CHD1L: variants seen among roughly 807,000 people sequenced by gnomAD.
CHD1L encodes ATP-dependent chromatin remodeler CHD1L.
In CHD1L, 118 loss-of-function variants were observed where a neutral mutation model predicts 115.9. The observed-to-expected ratio is 1.02, with a 90% CI of 0.88 to 1.19. CHD1L has a LOEUF of 1.19. Among genes scored for constraint, CHD1L ranks in the 50% most tolerant of loss-of-function variants. The pLI is 0.00. For synonymous variants in CHD1L, 411 were observed against 387.1 expected, an observed-to-expected ratio of 1.06 and a Z score of -0.72; for missense variants, 1,179 against 1,065.3, an observed-to-expected ratio of 1.11 and a Z score of -1.49.
At chr1:147,193,083 G>A in the CHD1L span, among the ~76,000 whole-genome samples, 1 of 152,140 alleles carries the variant, frequency 6.6e-6, no homozygotes, top group Non-Finnish European at 1.5e-5. Flanking sequence ...CAGAAGGAAT[G>A]GTACCAGCTC....
chr1:147,177,677 A>T, the CHD1L span, among the ~76,000 whole-genome samples: 1 of 152,172 alleles, frequency 6.6e-6, no homozygotes, highest in Non-Finnish European at 1.5e-5. Flanking sequence ...ATCATGAAGA[A>T]ATATCAGACA....
chr1:147,247,308 C>G (rs1553934293), intron 1 of CHD1L, among the ~76,000 whole-genome samples: 1 of 152,092 alleles, frequency 6.6e-6, no homozygotes, highest in Non-Finnish European at 1.5e-5. Flanking sequence ...GGAGGTGGGG[C>G]CTAATGAAAG....
At chr1:147,232,317 G>A in the CHD1L span, among the ~76,000 whole-genome samples, 1 of 152,202 alleles carries the variant, frequency 6.6e-6, no homozygotes, top group Admixed American at 6.5e-5. Context: ...TGAGTGTTGG[G>A]AAGAAAGCTG....
the CHD1L span, among the ~76,000 whole-genome samples, chr1:147,201,927 A>C: frequency 6.6e-6 from 1 of 152,212 alleles, no homozygotes; most frequent in Non-Finnish European, 1.5e-5. Flanking sequence ...ACTGTTTTCC[A>C]AACTGTATGA....
chr1:147,236,277 G>C, the CHD1L span, among the ~76,000 whole-genome samples: 1 of 152,338 alleles, frequency 6.6e-6, no homozygotes, highest in African/African-American at 2.4e-5. Context: ...CTAGGTCTGG[G>C]CTTCCCAAAG....
chr1:147,259,624 GT>G, intron 5 of CHD1L: 1 of 426,796 alleles, frequency 2.3e-6, no homozygotes, highest in Non-Finnish European at 4.2e-6. Flanking sequence ...TTCCCATTTT[GT>G]TAAAAAAAAA....
chr1:147,264,389 G>A, intron 6 of CHD1L, 33 bp from the exon 7 acceptor site: 1 of 1,533,576 alleles, frequency 6.5e-7, no homozygotes, highest in Non-Finnish European at 8.8e-7. Context: ...CCAGTGTTAT[G>A]GAATTTTTAT....
At chr1:147,268,674 AAAC>A in intron 9 of CHD1L, 105 bp from the exon 10 acceptor site, 1 of 785,962 alleles carries the variant, frequency 1.3e-6, no homozygotes, top group Non-Finnish European at 2.1e-6. Flanking sequence ...ATCATCATGC[AAAC>A]AACTACTTAT....
the CHD1L span, among the ~76,000 whole-genome samples, chr1:147,234,713 C>T: frequency 2.0e-5 from 3 of 152,180 alleles, no homozygotes; most frequent in South Asian, 2.1e-4. Context: ...ACTTCATAAA[C>T]GTTCATCAAG....
At chr1:147,269,525 C>T (rs925251219) in intron 10 of CHD1L, among the ~76,000 whole-genome samples, 6 of 151,804 alleles carry the variant, frequency 4.0e-5, no homozygotes, top group African/African-American at 7.3e-5. Context: ...AAAAATTAGC[C>T]GGGTGTGGTG....
At chr1:147,259,748 A>G (rs1671285621) in intron 5 of CHD1L, 89 bp from the exon 6 acceptor site, 7 of 1,121,514 alleles carry the variant, frequency 6.2e-6, no homozygotes, top group African/African-American at 1.6e-5. Flanking sequence ...AGTCTTTTTA[A>G]TAACAGTCAC....
At chr1:147,192,535 T>C in the CHD1L span, among the ~76,000 whole-genome samples, 790 of 149,454 alleles carry the variant, frequency 5.3e-3, 15 homozygotes, top group African/African-American at 0.019. Context: ...CTGGCCAGAA[T>C]ATCCAACACT....
the CHD1L span, chr1:147,215,678 A>T: frequency 3.7e-6 from 4 of 1,071,570 alleles, no homozygotes; most frequent in Non-Finnish European, 5.5e-6. Context: ...AGAAGTAAAC[A>T]TTGGTAACTG....
At chr1:147,247,777 A>AT (rs1164353997) in intron 1 of CHD1L, among the ~76,000 whole-genome samples, 5 of 152,088 alleles carry the variant, frequency 3.3e-5, no homozygotes, top group African/African-American at 7.2e-5. Context: ...GGGAGAATAT[A>AT]TTTCCCAGCA....
Position 147,286,393 on chromosome 1 carries a change from C to T in CHD1L, c.2114C>T (p.Ala705Val), listed in dbSNP as rs1553965822. ...EDLENGEESS[A>V]ELDYQDPDAT... is the part of the protein sequence containing the mutation. ...CTTGAGAATGGGGAAGAGAGCTCTG[C>T]TGAGCTGGATTACCAAGACCCAGAT... is the stretch of plus-strand genomic sequence containing the variant. The change falls in exon 18 of 23, where the codon GCT becomes GTT. Residue 705 changes from alanine to valine, a missense_variant. Ala to Val is a moderately conservative substitution (Grantham distance 64). Coordinates refer to ENST00000369258, the MANE Select transcript of CHD1L (RefSeq NM_004284.6). 2 of 1,614,152 alleles carry T rather than the reference C, an allele frequency of 1.2e-6. No homozygotes were observed. Among genetic ancestry groups the T allele is most frequent in the South Asian group, 2.2e-5 (2 of 91,086 alleles).
intron 19 of CHD1L, among the ~76,000 whole-genome samples, chr1:147,289,972 T>C (rs1374961162): frequency 6.6e-6 from 1 of 152,174 alleles, no homozygotes; most frequent in African/African-American, 2.4e-5. Context: ...TTTGGGGGAT[T>C]TGATCAAAAG....
intron 2 of CHD1L, 49 bp downstream of exon 2, chr1:147,252,784 T>C: frequency 1.4e-6 from 2 of 1,395,764 alleles, no homozygotes; most frequent in Non-Finnish European, 2.0e-6. Context: ...CGATACTTCC[T>C]TATAACTCAT....
the CHD1L span, chr1:147,225,534 TCTC>T: frequency 6.3e-6 from 1 of 158,064 alleles, no homozygotes; most frequent in African/African-American, 2.4e-5. Flanking sequence ...TCCTACAACT[TCTC>T]TATATTTCAG....
At chr1:147,256,745 C>G (rs1670293480) in intron 5 of CHD1L, among the ~76,000 whole-genome samples, 183 bp downstream of exon 5, 2 of 152,048 alleles carry the variant, frequency 1.3e-5, no homozygotes, top group African/African-American at 2.4e-5. Flanking sequence ...AGCTGTGTGT[C>G]CTTGGGTTAG....
Sources: allele counts gnomAD v4.1 joint callset (sites outside exome capture counted in the v4.1 genomes callset), GRCh38; gene constraint gnomAD v4.1.1; transcripts MANE v1.5; gene names NCBI Gene and HGNC (gene_info 2026-07-23, HGNC 2026-07-21).